CERCAM: variants seen among roughly 807,000 people sequenced by gnomAD.
The protein encoded by CERCAM is inactive glycosyltransferase 25 family member 3.
CERCAM carries 59 observed loss-of-function variants against 66.0 expected under a neutral mutation model. The ratio of observed to expected loss-of-function variants is 0.89; its 90% CI spans 0.73 to 1.11. The LOEUF (loss-of-function observed/expected upper bound fraction) is 1.11. Ranked by LOEUF, CERCAM falls within the 50% of genes most tolerant of loss-of-function variation. The probability of loss-of-function intolerance (pLI) is 0.00; values close to 1 mark genes in which losing one functional copy is unlikely to be tolerated. For missense variants in CERCAM, 840 were observed against 828.3 expected, an observed-to-expected ratio of 1.01 and a Z score of -0.17; for synonymous variants, 318 against 343.6, an observed-to-expected ratio of 0.93 and a Z score of 0.83.
In CERCAM at chr9:128,424,398, C is replaced by T; in HGVS notation, c.562-12C>T. The stretch of plus-strand genomic sequence containing the variant: ...GAGCCCTCTCACAGCCCAAAGCATC[C>T]CTTTTCCCCAGGGCTACTACCGCCG... On this transcript the variant is annotated splice_polypyrimidine_tract_variant and intron_variant, in intron 4 of 12. Transcript: ENST00000372838. The T allele has an allele frequency of 6.2e-7, 1 of 1,613,908 alleles. No individual in the cohort carries two copies. Among genetic ancestry groups the T allele is most frequent in the Non-Finnish European group, 8.5e-7 (1 of 1,179,996 alleles).
chr9:128,431,748 A>G (rs1044295526), intron 9 of CERCAM: 1 of 158,422 alleles, frequency 6.3e-6, no homozygotes, highest in African/African-American at 2.4e-5. Context: ...TTCTAGGCAG[A>G]AGAGAACAGT....
chr9:128,421,325 C>A (rs1342742879), intron 1 of CERCAM: 13 of 1,212,480 alleles, frequency 1.1e-5, no homozygotes, highest in Admixed American at 4.4e-5. Context: ...CTACTCCTTC[C>A]TCTTGGGGCC....
At position 128,437,122 on chromosome 9, in the gene CERCAM, C is replaced by G. The variant is rs983952533; in HGVS notation, c.*274C>G. 2 of 152,618 alleles carry G rather than the reference C, an allele frequency of 1.3e-5. No homozygotes were observed. The highest frequency in any genetic ancestry group is 2.4e-5 in the African/African-American group (1 of 41,522). The allele number at this position is 152,618 out of a possible 1,614,324, so 9.5% of individuals were successfully genotyped here. On this transcript the variant is annotated 3_prime_UTR_variant, in exon 13 of 13. Transcript: ENST00000372838. ...GCCTTGTGGCCCCCAGCTTCTGTTT[C>G]AAGCTGGGCAGACCCCAGGATCCCT...
At chr9:128,431,125 G>A in intron 8 of CERCAM, 46 bp from the exon 9 acceptor site, 2 of 1,604,122 alleles carry the variant, frequency 1.2e-6, no homozygotes, top group Non-Finnish European at 1.7e-6. Flanking sequence ...CCTCTGGAGG[G>A]GTCTCTGGCA....
At chr9:128,429,187 G>T (rs771978775) in intron 8 of CERCAM, 151 bp downstream of exon 8, 2 of 613,522 alleles carry the variant, frequency 3.3e-6, no homozygotes, top group Non-Finnish European at 5.6e-6. Flanking sequence ...TCCTCTCAGG[G>T]AGTTCCGGAG....
At chr9:128,429,955 A>T (rs980260745) in intron 8 of CERCAM, among the ~76,000 whole-genome samples, 4 of 149,090 alleles carry the variant, frequency 2.7e-5, no homozygotes, top group Admixed American at 6.7e-5. Flanking sequence ...CACCCGGATT[A>T]AAAAAAATGT....
At chr9:128,428,606 T>C (rs1833901161) in intron 6 of CERCAM, 151 bp from the exon 7 acceptor site, 1 of 1,055,874 alleles carries the variant, frequency 9.5e-7, no homozygotes, top group Non-Finnish European at 1.4e-6. Flanking sequence ...ATCCCTACAA[T>C]GGGGGCAGGT....
At chr9:128,431,366 C>T in intron 9 of CERCAM, 63 bp downstream of exon 9, 1 of 1,596,192 alleles carries the variant, frequency 6.3e-7, no homozygotes. Context: ...TTGTTCTATT[C>T]ACTGCTCTGT....
intron 5 of CERCAM, among the ~76,000 whole-genome samples, chr9:128,425,170 C>A (rs1833814321): frequency 6.6e-6 from 1 of 151,914 alleles, no homozygotes; most frequent in South Asian, 2.1e-4. Context: ...CATTCTCCTG[C>A]CTCAGCCTCC....
chr9:128,430,386 A>G lies in CERCAM; in HGVS notation c.1071-785A>G, dbSNP rs530816698. ...CATTGCACTCCAGCCTGGGCCGACA[A>G]CAGTGAGACTCTGTCTCAAAAAAAA... On this transcript the variant is annotated intron_variant, in intron 8 of 12. Transcript: ENST00000372838. Among the ~76,000 whole-genome samples, 4 of 151,908 alleles carry G rather than the reference A, an allele frequency of 2.6e-5. No individual in the cohort carries two copies. The South Asian group carries it at 8.3e-4, about 32-fold the overall frequency.
chr9:128,433,512 G>A (rs1038646087), intron 9 of CERCAM, among the ~76,000 whole-genome samples: 1 of 152,126 alleles, frequency 6.6e-6, no homozygotes, highest in Non-Finnish European at 1.5e-5. Context: ...AGGAGTGGGA[G>A]GGGAGATGGC....
Position 128,429,048 on chromosome 9 carries a change from TG to T in CERCAM, c.1070+14del. ...GCTGTGGATGGCTGGTGAGCCTGCC[TG>T]GTGGGGGGGGCCCTGTGCGCTTGGG... On this transcript the variant is annotated intron_variant, in intron 8 of 12. Coordinates refer to ENST00000372838, the MANE Select transcript of CERCAM (RefSeq NM_016174.5). 6.3e-7 allele frequency: 1 copy of T among 1,578,906 alleles called. No homozygotes were observed. Among genetic ancestry groups the T allele is most frequent in the Non-Finnish European group, 8.6e-7 (1 of 1,160,614 alleles).
rs148321495 is a variant in CERCAM, at chr9:128,431,272, G to C, written c.1172G>C (p.Cys391Ser). Reference sequence around the variant, plus strand: ...ACTCTGACCAAGGGCGAGGTGGGCTGCTTCCTCAGCCATTACTCCATCTGG... The same window carrying C: ...ACTCTGACCAAGGGCGAGGTGGGCTCCTTCCTCAGCCATTACTCCATCTGG... ...GRTLTKGEVGCFLSHYSIWEE... is the reference protein window; with the variant it reads ...GRTLTKGEVGSFLSHYSIWEE... Residue 391 changes from cysteine to serine, a missense_variant, in exon 9 of 13, where the codon TGC (cysteine) becomes TCC (serine). By Grantham distance (112) the Cys-to-Ser change is moderately radical. Transcript: ENST00000372838. The C allele has an allele frequency of 0.012, 19,313 of 1,614,054 alleles. 154 individuals are homozygous for C. The highest frequency in any genetic ancestry group is 0.014 in the Non-Finnish European group (17,081 of 1,180,012).
rs767146225 is a variant in CERCAM at position 128,422,960 on chromosome 9, G to T, written c.290G>T (p.Arg97Met). Reference protein sequence around the residue: ...VGDDYAAVVWRPEGEPRFYPD... With the variant: ...VGDDYAAVVWMPEGEPRFYPD... Reference sequence around the variant, plus strand: ...GATGACTATGCTGCTGTGGTCTGGAGGCCTGAGGGCGAGCCCAGGTGGTGA... The same window carrying T: ...GATGACTATGCTGCTGTGGTCTGGATGCCTGAGGGCGAGCCCAGGTGGTGA... The change falls in exon 2 of 13, where the codon AGG becomes ATG. Residue 97 changes from arginine to methionine, a missense_variant. Arg to Met is a moderately conservative substitution (Grantham distance 91). Transcript: ENST00000372838. 1.4e-5 allele frequency: 22 copies of T among 1,613,818 alleles called. No individual in the cohort carries two copies. Among genetic ancestry groups the T allele is most frequent in the Non-Finnish European group, 1.8e-5 (21 of 1,180,006 alleles).
chr9:128,431,107 GC>G, intron 8 of CERCAM, 63 bp from the exon 9 acceptor site: 1 of 1,588,158 alleles, frequency 6.3e-7, no homozygotes, highest in Non-Finnish European at 8.6e-7. Flanking sequence ...ACATGCACAG[GC>G]CTGGCCCCTC....
At chr9:128,428,690 G>A in intron 6 of CERCAM, 67 bp from the exon 7 acceptor site, 1 of 1,551,018 alleles carries the variant, frequency 6.4e-7, no homozygotes, top group Non-Finnish European at 8.9e-7. Flanking sequence ...CTGGGGGCTA[G>A]GACTTCAGGG....
rs748783546 is a variant in CERCAM at position 128,435,906 on chromosome 9, G to T, written c.*1G>T. On this transcript the variant is annotated splice_donor_variant, in intron 12 of 12. Transcript: ENST00000372838. LOFTEE classifies it low-confidence loss of function (3UTR_SPLICE). ...ACCCCAGCCCCGAGATGAGCTCTAG[G>T]TGAGGCCAGGGCGGGAAGAGGCCCC... The T allele has an allele frequency of 2.4e-5, 38 of 1,600,718 alleles. No homozygotes were observed. Among genetic ancestry groups the T allele is most frequent in the Non-Finnish European group, 4.2e-6 (5 of 1,177,574 alleles).
intron 8 of CERCAM, among the ~76,000 whole-genome samples, chr9:128,429,244 G>A (rs1833921056): frequency 6.6e-6 from 1 of 152,186 alleles, no homozygotes; most frequent in Admixed American, 6.5e-5. Flanking sequence ...ACCAGAGGAG[G>A]AGAGCACAGT....
In CERCAM at chr9:128,420,963, C is replaced by G. The variant is rs1041231675; in HGVS notation, c.86C>G (p.Pro29Arg). The change falls in exon 1 of 13, where the codon CCG (proline) becomes CGG (arginine). Residue 29 changes from proline to arginine, a missense_variant. Pro to Arg is a moderately radical substitution (Grantham distance 103, BLOSUM62 -2). Transcript: ENST00000372838. The surrounding 1 kb of genome is among the most constrained non-coding windows in gnomAD (Gnocchi z 5.0). ...GAGGCTGCGGGCGTTGCGGAGTCGC[C>G]GCTGCCCGCCGTGGTCCTTGCCATC... ...WLEAAGVAES[P>R]LPAVVLAILA... 4 of 1,466,086 alleles carry G rather than the reference C, an allele frequency of 2.7e-6. No individual in the cohort carries two copies. Among genetic ancestry groups the G allele is most frequent in the Non-Finnish European group, 3.6e-6 (4 of 1,111,374 alleles). 90.8% of individuals were successfully genotyped at this position (1,466,086 alleles called of 1,614,324 possible).
Sources: allele counts gnomAD v4.1 joint callset (sites outside exome capture counted in the v4.1 genomes callset), GRCh38; gene constraint gnomAD v4.1.1; non-coding constraint Gnocchi (gnomAD v3.1); transcripts MANE v1.5; gene names NCBI Gene and HGNC (gene_info 2026-07-23, HGNC 2026-07-21).